Variants in PCDHGA4 observed in about 807,000 individuals in gnomAD.
PCDHGA4 encodes protocadherin gamma-A4.
PCDHGA4 carries 38 observed loss-of-function variants against 54.6 expected under a neutral mutation model. That is an observed-to-expected ratio of 0.70 (90% CI 0.54 to 0.91). The LOEUF (loss-of-function observed/expected upper bound fraction) is 0.91. Among genes scored for constraint, PCDHGA4 ranks in the 40% least tolerant of loss-of-function variants. The pLI, the probability that PCDHGA4 is intolerant of heterozygous loss-of-function variation, is 0.00. For missense variants in PCDHGA4, 1,298 were observed against 1,220.9 expected (o/e 1.06, Z -0.94); for synonymous variants, 511 against 512.9 (o/e 1.00, Z 0.05).
intron 1 of PCDHGA4, chr5:141,394,519 C>T: frequency 6.2e-7 from 1 of 1,614,240 alleles, no homozygotes; most frequent in Non-Finnish European, 8.5e-7. Flanking sequence ...GCCCTCCCCA[C>T]AGACGGTTCC....
intron 1 of PCDHGA4, chr5:141,409,395 C>T: frequency 6.2e-7 from 1 of 1,614,030 alleles, no homozygotes; most frequent in South Asian, 1.1e-5. Flanking sequence ...TATTCTTCTT[C>T]CAATAACTAC....
intron 1 of PCDHGA4, among the ~76,000 whole-genome samples, chr5:141,420,877 G>T (rs566962587): frequency 3.9e-5 from 6 of 152,338 alleles, no homozygotes; most frequent in African/African-American, 1.4e-4. Context: ...TGTAAGTATT[G>T]TGTATCATCG....
In PCDHGA4 at chr5:141,485,115, G is replaced by T. The variant is rs1043877839; in HGVS notation, c.2515-9692G>T. On this transcript the variant is annotated intron_variant, in intron 1 of 3. Transcript: ENST00000571252. This position sits in a 1 kb window ranked among gnomAD's most constrained non-coding sequence, Gnocchi z 5.7. ...GTGTCTCCAGCTGCTGTGGCTGTTT[G>T]GGGCGGGTCGGCTTCATCCGCGTCT... The T allele has an allele frequency of 3.8e-6, 5 of 1,300,464 alleles. No homozygotes were observed. The African/African-American group carries it at 5.8e-5, about 15-fold the overall frequency. The allele number at this position is 1,300,464 out of a possible 1,614,324, so 80.6% of individuals were successfully genotyped here.
At chr5:141,393,192 A>G in intron 1 of PCDHGA4, 2 of 1,613,468 alleles carry the variant, frequency 1.2e-6, no homozygotes, top group Non-Finnish European at 1.7e-6. Flanking sequence ...AATTGATATT[A>G]ACGATAATAA....
At chr5:141,450,006 C>CTTT (rs1554136305) in intron 1 of PCDHGA4, among the ~76,000 whole-genome samples, 1 of 132,986 alleles carries the variant, frequency 7.5e-6, no homozygotes, top group Non-Finnish European at 1.6e-5. Context: ...TGCCATGTCT[C>CTTT]TTTTTTTTTT....
intron 2 of PCDHGA4, among the ~76,000 whole-genome samples, chr5:141,495,250 A>G (rs557893500): frequency 6.6e-6 from 1 of 152,188 alleles, no homozygotes; most frequent in Non-Finnish European, 1.5e-5. Context: ...CCTGGGGCTC[A>G]GGCAGAAAAG....
At chr5:141,510,863 A>G in intron 3 of PCDHGA4, 84 bp from the exon 4 acceptor site, 1 of 1,607,492 alleles carries the variant, frequency 6.2e-7, no homozygotes, top group African/African-American at 1.3e-5. Flanking sequence ...CTGTATAGGC[A>G]TTCATTAACT....
At chr5:141,419,972 C>T (rs534128024) in intron 1 of PCDHGA4, 3 of 1,613,948 alleles carry the variant, frequency 1.9e-6, no homozygotes, top group South Asian at 1.1e-5. Flanking sequence ...GCTCTTTCTC[C>T]TCGCGGTGAT....
intron 1 of PCDHGA4, chr5:141,393,540 C>G (rs760241344): frequency 6.2e-7 from 1 of 1,613,996 alleles, no homozygotes; most frequent in Admixed American, 1.7e-5. Context: ...CCCGGTTTTT[C>G]CTCACCCGAT....
In PCDHGA4 at chr5:141,427,541, C is replaced by G. The variant is rs541988301; in HGVS notation, c.2515-67266C>G. ...AGCGGATCCCGGAGTACAACGTCACCATCACTGCCACTGACAAGGGCAAGC... is the reference window on the plus strand; with the variant it reads ...AGCGGATCCCGGAGTACAACGTCACGATCACTGCCACTGACAAGGGCAAGC... On this transcript the variant is annotated intron_variant, in intron 1 of 3. Coordinates refer to ENST00000571252, the MANE Select transcript of PCDHGA4 (RefSeq NM_018917.4). 3.1e-5 allele frequency: 20 copies of G among 635,320 alleles called. No individual in the cohort carries two copies. The African/African-American group carries it at 3.6e-4, about 11-fold the overall frequency. The allele number at this position is 635,320 out of a possible 1,614,324, so 39.4% of individuals were successfully genotyped here.
At position 141,454,796 on chromosome 5, in the gene PCDHGA4, A is replaced by ATTTTT. The variant is rs61612330; in HGVS notation, c.2515-39986_2515-39982dup. ...AAGGAAATAATCCTCCATGGTTCTA[A>ATTTTT]TTTTTTTTTTTTTTTTTTTTTTTTT... On this transcript the variant is annotated intron_variant, in intron 1 of 3. Coordinates refer to ENST00000571252, the MANE Select transcript of PCDHGA4 (RefSeq NM_018917.4). 4.5e-3 allele frequency among the ~76,000 whole-genome samples: 350 copies of ATTTTT among 77,444 alleles called. 39 individuals are homozygous for ATTTTT. The highest frequency in any genetic ancestry group is 0.016 in the African/African-American group (266 of 16,872). The allele number at this position is 77,444 out of a possible 152,430, so 50.8% of individuals were successfully genotyped here.
At chr5:141,409,081 A>G (rs1220843821) in intron 1 of PCDHGA4, 3 of 1,613,820 alleles carry the variant, frequency 1.9e-6, no homozygotes, top group Non-Finnish European at 2.5e-6. Context: ...ATATGTTCTC[A>G]TTGGATGAGA....
intron 1 of PCDHGA4, chr5:141,412,659 C>T (rs1013218327): frequency 7.9e-5 from 12 of 152,212 alleles, no homozygotes; most frequent in African/African-American, 2.4e-4. Flanking sequence ...TACCTAGACA[C>T]TAATATGACC....
chr5:141,372,171 G>T, intron 1 of PCDHGA4: 1 of 1,613,744 alleles, frequency 6.2e-7, no homozygotes, highest in Non-Finnish European at 8.5e-7. Flanking sequence ...CAAGGTGGTG[G>T]CGGTGGACGC....
At chr5:141,375,523 C>T (rs571977774) in intron 1 of PCDHGA4, 2 of 1,614,032 alleles carry the variant, frequency 1.2e-6, no homozygotes, top group Non-Finnish European at 1.7e-6. Flanking sequence ...TGGACCCTGA[C>T]GTGGACCAGA....
chr5:141,372,912 T>G, intron 1 of PCDHGA4: 1 of 1,057,916 alleles, frequency 9.5e-7, no homozygotes. Context: ...ATTACATTAT[T>G]TTATTGATTT....
intron 1 of PCDHGA4, chr5:141,374,920 T>A: frequency 1.1e-5 from 17 of 1,613,964 alleles, no homozygotes; most frequent in Non-Finnish European, 1.4e-5. Context: ...AAGTAACTTA[T>A]TCCTTTGTGA....
chr5:141,510,910 A>C (rs780792326), intron 3 of PCDHGA4, 37 bp from the exon 4 acceptor site: 4 of 1,613,740 alleles, frequency 2.5e-6, no homozygotes, highest in Admixed American at 3.3e-5. Flanking sequence ...GAGGACCCTA[A>C]GTTTAGCTCC....
In PCDHGA4 at chr5:141,361,205, C is replaced by T. The variant is rs754494569; in HGVS notation, c.2514+3584C>T. On this transcript the variant is annotated intron_variant, in intron 1 of 3. Transcript: ENST00000571252. Reference sequence around the variant, plus strand: ...GTGACTTCAGTATCTACTCCCCTACCGGAGGATTCGCCACCAGGAACAGTG... The same window carrying T: ...GTGACTTCAGTATCTACTCCCCTACTGGAGGATTCGCCACCAGGAACAGTG... 3.7e-6 allele frequency: 6 copies of T among 1,613,776 alleles called. No homozygotes were observed. In the Admixed American group the frequency reaches 8.3e-5, roughly 22 times the overall value.
Sources: gnomAD v4.1 joint callset for allele counts (sites outside exome capture counted in the v4.1 genomes callset) on GRCh38, gnomAD v4.1.1 for gene constraint, Gnocchi (gnomAD v3.1) non-coding constraint, MANE v1.5 for transcripts, NCBI Gene and HGNC (gene_info 2026-07-23, HGNC 2026-07-21) for gene names.